Variants in PTPRN2 observed in about 807,000 individuals in gnomAD.
PTPRN2 encodes the protein receptor-type tyrosine-protein phosphatase N2.
In PTPRN2, 74 loss-of-function variants were observed where a neutral mutation model predicts 118.8. The observed-to-expected ratio is 0.62, with a 90% CI of 0.52 to 0.76. The LOEUF (loss-of-function observed/expected upper bound fraction) is 0.76. Among genes scored for constraint, PTPRN2 ranks in the 30% least tolerant of loss-of-function variants. The pLI is 0.00. For missense variants in PTPRN2, 1,481 were observed against 1,394.4 expected (o/e 1.06, Z -0.99); for synonymous variants, 641 against 608.0 (o/e 1.05, Z -0.80).
intron 10 of PTPRN2, among the ~76,000 whole-genome samples, chr7:158,097,730 T>G (rs1007214056): frequency 6.6e-6 from 1 of 152,260 alleles, no homozygotes; most frequent in Admixed American, 6.5e-5. Context: ...ACTGCCGGTC[T>G]GCTGGCATAA....
At chr7:158,531,973 G>T (rs1452196885) in intron 1 of PTPRN2, among the ~76,000 whole-genome samples, 1 of 152,224 alleles carries the variant, frequency 6.6e-6, no homozygotes, top group Non-Finnish European at 1.5e-5. Context: ...GGACACGGAA[G>T]GCAAAAAACC....
chr7:157,967,005 CA>C (rs1218330171), intron 11 of PTPRN2, among the ~76,000 whole-genome samples: 2 of 152,186 alleles, frequency 1.3e-5, no homozygotes, highest in Admixed American at 1.3e-4. Flanking sequence ...AACAAATCAC[CA>C]CAAACTTAGT....
At chr7:158,054,778 G>T (rs1809652692) in intron 11 of PTPRN2, among the ~76,000 whole-genome samples, 1 of 152,248 alleles carries the variant, frequency 6.6e-6, no homozygotes, top group Admixed American at 6.5e-5. Context: ...TGCCTTCCAT[G>T]ATTGCAGCTG....
At position 158,574,741 on chromosome 7, in the gene PTPRN2, AC is replaced by A. The variant is rs1247659245; in HGVS notation, c.112+12816del. ...ATTTAGGCCAAATTCTTCCTCTGCT[AC>A]ATGTGAGGACTGCATGCCCGGCAGC... On this transcript the variant is annotated intron_variant, in intron 1 of 22. Transcript: ENST00000389418. This position sits in a 1 kb window ranked among gnomAD's most constrained non-coding sequence, Gnocchi z 4.6. Among the ~76,000 whole-genome samples the A allele has an allele frequency of 6.6e-6, 1 of 152,242 alleles. No homozygotes were observed. The highest frequency in any genetic ancestry group is 1.5e-5 in the Non-Finnish European group (1 of 68,036).
intron 2 of PTPRN2, among the ~76,000 whole-genome samples, chr7:158,428,484 AT>A (rs1815922537): frequency 6.6e-6 from 1 of 152,238 alleles, no homozygotes; most frequent in Non-Finnish European, 1.5e-5. Flanking sequence ...GGCTGCTGGC[AT>A]TGGCTGTTTC....
intron 11 of PTPRN2, among the ~76,000 whole-genome samples, chr7:157,946,861 C>T (rs1245992691): frequency 1.3e-5 from 2 of 152,218 alleles, no homozygotes; most frequent in East Asian, 1.9e-4. Flanking sequence ...CCAGTGTGGA[C>T]GGCCGGGGCC....
chr7:158,206,830 T>C (rs896378897), intron 3 of PTPRN2, among the ~76,000 whole-genome samples: 20 of 151,542 alleles, frequency 1.3e-4, no homozygotes, highest in African/African-American at 3.2e-4. Context: ...TATTATACTT[T>C]AAGTTTTAGG....
intron 2 of PTPRN2, among the ~76,000 whole-genome samples, chr7:158,456,739 T>A (rs369409408): frequency 6.6e-6 from 1 of 152,236 alleles, no homozygotes; most frequent in Non-Finnish European, 1.5e-5. Flanking sequence ...TACTACACCA[T>A]ATTCTGTGTA....
chr7:158,078,827 A>C (rs1433542608), intron 11 of PTPRN2, among the ~76,000 whole-genome samples: 1 of 152,208 alleles, frequency 6.6e-6, no homozygotes, highest in Non-Finnish European at 1.5e-5. Context: ...ATTCTTTTTT[A>C]TAATCTCTTG....
intron 1 of PTPRN2, among the ~76,000 whole-genome samples, chr7:158,524,100 C>T (rs1415208709): frequency 1.2e-5 from 1 of 84,154 alleles, no homozygotes; most frequent in African/African-American, 4.9e-5. Flanking sequence ...GGAGTGGAGT[C>T]GTCTACCCTG....
chr7:158,257,845 G>C (rs1797134501), intron 3 of PTPRN2, among the ~76,000 whole-genome samples: 1 of 152,258 alleles, frequency 6.6e-6, no homozygotes, highest in Non-Finnish European at 1.5e-5. Context: ...GAGGGCCACA[G>C]CCCATGCCCT....
chr7:157,845,356 A>G lies in PTPRN2; in HGVS notation c.1788+53317T>C, dbSNP rs1404429649. Among the ~76,000 whole-genome samples, 1 of 151,860 alleles carries G rather than the reference A, an allele frequency of 6.6e-6. No homozygotes were observed. Among genetic ancestry groups the G allele is most frequent in the Non-Finnish European group, 1.5e-5 (1 of 67,958 alleles). ...TTTCCCTGGTGAATCACGCAGCCTAACTCACCATGTTCCCGGCCACGCCAC... is the reference window on the plus strand; with the variant it reads ...TTTCCCTGGTGAATCACGCAGCCTAGCTCACCATGTTCCCGGCCACGCCAC... On this transcript the variant is annotated intron_variant, in intron 12 of 22. Transcript: ENST00000389418. This position sits in a 1 kb window ranked among gnomAD's most constrained non-coding sequence, Gnocchi z 4.5.
intron 2 of PTPRN2, among the ~76,000 whole-genome samples, chr7:158,351,473 G>A (rs1351281227): frequency 2.6e-5 from 4 of 152,174 alleles, no homozygotes; most frequent in Non-Finnish European, 2.9e-5. Context: ...CACAGCAGCC[G>A]ACACAGTCAC....
At chr7:157,838,208 T>C (rs1018745740) in intron 12 of PTPRN2, among the ~76,000 whole-genome samples, 3 of 149,224 alleles carry the variant, frequency 2.0e-5, no homozygotes, top group African/African-American at 7.5e-5. Context: ...AGAAAGCTCC[T>C]CTCCACTATG....
intron 11 of PTPRN2, among the ~76,000 whole-genome samples, chr7:157,963,641 G>A (rs73745041): frequency 0.038 from 5,728 of 152,254 alleles, 333 homozygotes; most frequent in African/African-American, 0.12. Context: ...GCCACAGTTC[G>A]GGCCTGGGAG....
chr7:157,855,740 G>T (rs1286195129), intron 12 of PTPRN2, among the ~76,000 whole-genome samples: 7 of 152,230 alleles, frequency 4.6e-5, no homozygotes, highest in Non-Finnish European at 8.8e-5. Flanking sequence ...GCCCAGGGGG[G>T]CGGCGATACA....
intron 13 of PTPRN2, 90 bp downstream of exon 13, chr7:157,682,635 G>C: frequency 7.7e-7 from 1 of 1,296,772 alleles, no homozygotes; most frequent in Non-Finnish European, 1.1e-6. Flanking sequence ...ACAACTGCTG[G>C]GAATGGAGGA....
At chr7:157,753,890 C>T (rs181038060) in intron 12 of PTPRN2, among the ~76,000 whole-genome samples, 9 of 152,282 alleles carry the variant, frequency 5.9e-5, no homozygotes, top group Admixed American at 2.6e-4. Flanking sequence ...CCCCCATCCG[C>T]GGCCATGGCT....
intron 3 of PTPRN2, among the ~76,000 whole-genome samples, chr7:158,307,405 A>G (rs985013288): frequency 6.6e-6 from 1 of 152,208 alleles, no homozygotes; most frequent in Non-Finnish European, 1.5e-5. Context: ...AGGAACAGAA[A>G]AAAAAAGAAT....
Sources: gnomAD v4.1 joint callset for allele counts (sites outside exome capture counted in the v4.1 genomes callset) on GRCh38, gnomAD v4.1.1 for gene constraint, Gnocchi (gnomAD v3.1) non-coding constraint, MANE v1.5 for transcripts, NCBI Gene and HGNC (gene_info 2026-07-23, HGNC 2026-07-21) for gene names.